The following SHISA9 variants were observed in gnomAD, a reference collection of about 807,000 sequenced individuals.
SHISA9 encodes the protein protein shisa-9.
In SHISA9, 13 loss-of-function variants were observed where a neutral mutation model predicts 38.0. The ratio of observed to expected loss-of-function variants is 0.34; its 90% CI spans 0.22 to 0.54. The LOEUF (loss-of-function observed/expected upper bound fraction) is 0.54, where lower values mean the gene tolerates loss of function less well. Among genes scored for constraint, SHISA9 ranks in the 20% least tolerant of loss-of-function variants. SHISA9 has a pLI of 0.91. For missense variants in SHISA9, 538 were observed against 575.8 expected (o/e 0.93, Z 0.67); for synonymous variants, 275 against 242.0 (o/e 1.14, Z -1.27).
chr16:13,213,210 C>G lies in SHISA9; in HGVS notation c.848-43C>G. 2 of 1,543,260 alleles carry G rather than the reference C, an allele frequency of 1.3e-6. 1 individual carries two copies. ...TGAGGGCATAGTGAACATGGGTGCC[C>G]TGCAAACAGATCATCAGCATTTCTT... On this transcript the variant is annotated intron_variant, in intron 3 of 4. Transcript: ENST00000558583.
chr16:12,928,485 C>T (rs1319033962), intron 2 of SHISA9, among the ~76,000 whole-genome samples: 1 of 152,122 alleles, frequency 6.6e-6, no homozygotes, highest in East Asian at 1.9e-4. Flanking sequence ...TAAAAATAGT[C>T]ATTGAATATT....
the SHISA9 span, among the ~76,000 whole-genome samples, chr16:13,520,364 C>T: frequency 6.6e-6 from 1 of 151,940 alleles, no homozygotes; most frequent in Non-Finnish European, 1.5e-5. Context: ...CTTTGGGAGG[C>T]CAAGGCGGGC....
chr16:13,290,382 G>A, the SHISA9 span, among the ~76,000 whole-genome samples: 2 of 152,026 alleles, frequency 1.3e-5, no homozygotes, highest in East Asian at 3.9e-4. Flanking sequence ...ATTCACCCAT[G>A]CTTTTAGCCA....
chr16:13,037,185 A>G (rs1205392297), intron 2 of SHISA9, among the ~76,000 whole-genome samples: 7 of 151,070 alleles, frequency 4.6e-5, no homozygotes, highest in East Asian at 2.0e-4. Context: ...GAAAGCGGAA[A>G]GGACATTCTT....
chr16:13,083,332 A>G (rs1401648977), intron 2 of SHISA9, among the ~76,000 whole-genome samples: 1 of 152,222 alleles, frequency 6.6e-6, no homozygotes, highest in African/African-American at 2.4e-5. Flanking sequence ...ATAGAAGTGC[A>G]TCATTGTGCG....
chr16:13,527,611 A>G, the SHISA9 span, among the ~76,000 whole-genome samples: 15 of 152,238 alleles, frequency 9.9e-5, no homozygotes, highest in Non-Finnish European at 1.9e-4. Context: ...GTGAGTAAGA[A>G]GAATGAAGCA....
chr16:13,261,642 A>G, the SHISA9 span, among the ~76,000 whole-genome samples: 4 of 152,184 alleles, frequency 2.6e-5, no homozygotes, highest in Admixed American at 2.6e-4. Flanking sequence ...TATAATCCAG[A>G]CCCACTGTTT....
At chr16:13,184,931 T>G (rs1305635183) in intron 2 of SHISA9, among the ~76,000 whole-genome samples, 1 of 152,222 alleles carries the variant, frequency 6.6e-6, no homozygotes, top group Non-Finnish European at 1.5e-5. Context: ...AATAAAATTT[T>G]TTATTTCTCT....
chr16:13,376,368 T>A, the SHISA9 span, among the ~76,000 whole-genome samples: 6 of 152,208 alleles, frequency 3.9e-5, no homozygotes, highest in African/African-American at 1.4e-4. Flanking sequence ...TCTGGAAGAA[T>A]CTTCAGAAAG....
At position 12,913,996 on chromosome 16, in the gene SHISA9, T is replaced by C. The variant is rs369552670; in HGVS notation, c.564-2692T>C. On this transcript the variant is annotated intron_variant, in intron 1 of 4. Coordinates refer to ENST00000558583, the MANE Select transcript of SHISA9 (RefSeq NM_001145204.3). ...GGCTCTCTTGATCACATTACTCTTA[T>C]TTATTTGATTTGCAGCCCTCGTTTA... is the stretch of plus-strand genomic sequence containing the variant. Among the ~76,000 whole-genome samples, 5 of 152,206 alleles carry C rather than the reference T, an allele frequency of 3.3e-5. No individual in the cohort carries two copies. The East Asian group carries it at 7.7e-4, about 24-fold the overall frequency.
At chr16:13,184,919 T>C (rs1187913352) in intron 2 of SHISA9, among the ~76,000 whole-genome samples, 2 of 152,252 alleles carry the variant, frequency 1.3e-5, no homozygotes, top group African/African-American at 4.8e-5. Context: ...AGGCTTTGTG[T>C]AAATAAAATT....
At chr16:13,478,206 A>G in the SHISA9 span, among the ~76,000 whole-genome samples, 1 of 152,212 alleles carries the variant, frequency 6.6e-6, no homozygotes, top group Non-Finnish European at 1.5e-5. Context: ...CAAAACACAT[A>G]AAAGAGATCC....
intron 2 of SHISA9, among the ~76,000 whole-genome samples, chr16:13,153,633 C>T (rs1485283449): frequency 6.6e-6 from 1 of 152,182 alleles, no homozygotes; most frequent in Non-Finnish European, 1.5e-5. Flanking sequence ...GTACCAATTT[C>T]ATCCCAGTAC....
At chr16:12,948,643 C>G (rs1260862466) in intron 2 of SHISA9, among the ~76,000 whole-genome samples, 1 of 152,150 alleles carries the variant, frequency 6.6e-6, no homozygotes, top group Non-Finnish European at 1.5e-5. Flanking sequence ...AAGGGAGAAA[C>G]AAGCTCCCTA....
At chr16:13,143,009 A>ATTTTATTT (rs1555465419) in intron 2 of SHISA9, among the ~76,000 whole-genome samples, 19 of 150,632 alleles carry the variant, frequency 1.3e-4, no homozygotes, top group African/African-American at 4.6e-4. Flanking sequence ...ATTTTATTTT[A>ATTTTATTT]TTTTATTTTA....
the SHISA9 span, among the ~76,000 whole-genome samples, chr16:13,511,434 A>G: frequency 6.6e-6 from 1 of 152,182 alleles, no homozygotes; most frequent in East Asian, 1.9e-4. Flanking sequence ...TTTTAAATTT[A>G]ACTCTCATAA....
chr16:13,367,910 TTTA>T, the SHISA9 span, among the ~76,000 whole-genome samples: 109 of 151,946 alleles, frequency 7.2e-4, no homozygotes, highest in Middle Eastern at 3.4e-3. Context: ...TTTTATTTTA[TTTA>T]TTATTATTAT....
the SHISA9 span, among the ~76,000 whole-genome samples, chr16:13,266,015 C>T: frequency 6.6e-6 from 1 of 152,164 alleles, no homozygotes; most frequent in Non-Finnish European, 1.5e-5. Context: ...TTTTGCTCAT[C>T]AGACAACAGA....
At chr16:13,506,099 A>C in the SHISA9 span, among the ~76,000 whole-genome samples, 5 of 152,342 alleles carry the variant, frequency 3.3e-5, no homozygotes, top group East Asian at 7.7e-4. Flanking sequence ...AACCCCAGAT[A>C]AAACAAGAAG....
Sources: gnomAD v4.1 joint callset for allele counts (sites outside exome capture counted in the v4.1 genomes callset) on GRCh38, gnomAD v4.1.1 for gene constraint, MANE v1.5 for transcripts, NCBI Gene and HGNC (gene_info 2026-07-23, HGNC 2026-07-21) for gene names.